Variants in TTBK2 observed in about 807,000 individuals in gnomAD.
TTBK2 encodes the protein tau tubulin kinase 2, also known as tau-tubulin kinase 2.
Under a neutral mutation model 110.8 loss-of-function variants are expected in TTBK2, and 28 were observed. The ratio of observed to expected loss-of-function variants is 0.25; its 90% CI spans 0.19 to 0.35. TTBK2 has a LOEUF of 0.35. Among genes scored for constraint, TTBK2 ranks in the 10% least tolerant of loss-of-function variants. The probability of loss-of-function intolerance (pLI) is 1.00; values close to 1 mark genes in which losing one functional copy is unlikely to be tolerated. For missense variants in TTBK2, 1,369 were observed against 1,500.3 expected (o/e 0.91, Z 1.45); for synonymous variants, 532 against 527.3 (o/e 1.01, Z -0.12).
rs369633579 is a variant in TTBK2, at chr15:42,765,936, C to A, written c.1998+9199G>T. ...AGCAGATCTCTTGGCAGAAACCCTA[C>A]AAGCCAGAAGAGAGTGGGGGCCAAT... is the stretch of plus-strand genomic sequence containing the variant. On this transcript the variant is annotated intron_variant, in intron 13 of 14. Transcript: ENST00000267890. Among the ~76,000 whole-genome samples the A allele has an allele frequency of 6.6e-5, 10 of 152,316 alleles. No individual in the cohort carries two copies. The East Asian group carries it at 1.3e-3, about 21-fold the overall frequency.
intron 7 of TTBK2, 52 bp from the exon 8 acceptor site, chr15:42,811,832 A>G (rs1468776613): frequency 6.5e-7 from 1 of 1,534,386 alleles, no homozygotes; most frequent in South Asian, 1.1e-5. Flanking sequence ...TTGTGAGTAC[A>G]TTACATTGTT....
intron 9 of TTBK2, among the ~76,000 whole-genome samples, chr15:42,803,624 G>C (rs561206105): frequency 4.6e-5 from 7 of 152,074 alleles, no homozygotes; most frequent in Admixed American, 3.9e-4. Context: ...CTCCTCACAA[G>C]GCCAATAAAA....
intron 13 of TTBK2, among the ~76,000 whole-genome samples, chr15:42,763,139 CATACATATATATAT>C (rs1567008617): frequency 8.7e-5 from 5 of 57,252 alleles, no homozygotes; most frequent in South Asian, 7.2e-4. Context: ...TACATATATA[CATACATATATATAT>C]ATACATATAT....
chr15:42,801,105 T>C, intron 9 of TTBK2: 1 of 845,286 alleles, frequency 1.2e-6, no homozygotes, highest in Non-Finnish European at 2.0e-6. Flanking sequence ...GCCCAGGCCG[T>C]AGCTGAGGCC....
At chr15:42,846,354 T>C (rs999464544) in intron 3 of TTBK2, among the ~76,000 whole-genome samples, 2 of 151,936 alleles carry the variant, frequency 1.3e-5, no homozygotes, top group East Asian at 3.9e-4. Flanking sequence ...CATGCCCGGC[T>C]AATTTTTGTA....
chr15:42,867,256 A>AAAG (rs1567068037), intron 3 of TTBK2, among the ~76,000 whole-genome samples: 5 of 151,208 alleles, frequency 3.3e-5, no homozygotes, highest in African/African-American at 1.2e-4. Flanking sequence ...AAAAAAAAAA[A>AAAG]AAAAGAAAAG....
At chr15:42,797,233 C>T (rs561169636) in intron 9 of TTBK2, among the ~76,000 whole-genome samples, 2 of 152,348 alleles carry the variant, frequency 1.3e-5, no homozygotes, top group African/African-American at 4.8e-5. Context: ...AATTCTCTGT[C>T]TGTACTGTGC....
chr15:42,825,525 A>G (rs940950782), intron 6 of TTBK2, among the ~76,000 whole-genome samples: 4 of 152,128 alleles, frequency 2.6e-5, no homozygotes, highest in Admixed American at 2.0e-4. Flanking sequence ...AGCCTGGCCA[A>G]CATGGTGAAA....
At chr15:42,828,386 C>CAA (rs763629302) in intron 5 of TTBK2, among the ~76,000 whole-genome samples, 1 of 119,406 alleles carries the variant, frequency 8.4e-6, no homozygotes, top group Non-Finnish European at 1.8e-5. Context: ...AGAGATGGAC[C>CAA]AAAAAAAAAA....
chr15:42,794,956 T>C (rs1890870082), intron 9 of TTBK2, 155 bp from the exon 10 acceptor site: 4 of 826,770 alleles, frequency 4.8e-6, no homozygotes, highest in Admixed American at 4.3e-5. Flanking sequence ...AGGAACTATA[T>C]GTAGATGATG....
chr15:42,837,186 C>T (rs534185171), intron 4 of TTBK2, among the ~76,000 whole-genome samples: 6 of 151,722 alleles, frequency 4.0e-5, no homozygotes, highest in South Asian at 2.1e-4. Context: ...ATGGTGAAAC[C>T]GTCCCTACTA....
intron 6 of TTBK2, among the ~76,000 whole-genome samples, chr15:42,826,758 A>G (rs2140976750): frequency 6.6e-6 from 1 of 152,320 alleles, no homozygotes; most frequent in East Asian, 1.9e-4. Flanking sequence ...CTGATTCATG[A>G]ATCATTCTTT....
intron 1 of TTBK2, among the ~76,000 whole-genome samples, chr15:42,894,450 T>C (rs1895586573): frequency 6.6e-6 from 1 of 152,130 alleles, no homozygotes; most frequent in African/African-American, 2.4e-5. Flanking sequence ...AGCATTAACT[T>C]GATATTAAAA....
intron 1 of TTBK2, among the ~76,000 whole-genome samples, chr15:42,886,018 T>C (rs752246807): frequency 1.8e-4 from 27 of 152,190 alleles, no homozygotes; most frequent in Non-Finnish European, 3.4e-4. Flanking sequence ...CTGAGGTGCC[T>C]GACGTCCAGG....
rs2061878330 is a variant in TTBK2 at position 42,752,400 on chromosome 15, G to T, written c.2846C>A (p.Ala949Glu). ...TTCCAAAGTTGAGTCTATCTCTTGTGCTAAAACAGGGATTCGGCTGTGTCT... is the reference window on the plus strand; with the variant it reads ...TTCCAAAGTTGAGTCTATCTCTTGTTCTAAAACAGGGATTCGGCTGTGTCT... Reference protein sequence around the residue: ...VTRHSRIPVLAQEIDSTLESS... With the variant: ...VTRHSRIPVLEQEIDSTLESS... The change falls in exon 14 of 15, where the codon GCA (alanine) becomes GAA (glutamate). Residue 949 changes from alanine (A) to glutamate (E), a missense_variant. Coordinates refer to ENST00000267890, the MANE Select transcript of TTBK2 (RefSeq NM_173500.4). 1 of 1,614,196 alleles carries T rather than the reference G, an allele frequency of 6.2e-7. No individual in the cohort carries two copies. Among genetic ancestry groups the T allele is most frequent in the East Asian group, 2.2e-5 (1 of 44,880 alleles).
rs185783638 is a variant in TTBK2, at chr15:42,856,712, T to A, written c.217+15899A>T. Among the ~76,000 whole-genome samples the A allele has an allele frequency of 5.5e-3, 839 of 151,914 alleles. 14 individuals are homozygous for A. The East Asian group carries it at 0.061, about 11-fold the overall frequency. ...GACCTTGTCTCTACTTAAAAAAAAA[T>A]TTTTTTTATGAAAAAAGAAAAAGAA... On this transcript the variant is annotated intron_variant, in intron 3 of 14. Transcript: ENST00000267890.
intron 13 of TTBK2, among the ~76,000 whole-genome samples, chr15:42,760,170 G>C (rs904411506): frequency 2.0e-5 from 3 of 152,100 alleles, no homozygotes; most frequent in Non-Finnish European, 4.4e-5. Context: ...CAGATAACTT[G>C]AGGTCAGGAG....
In TTBK2 at chr15:42,810,724, T is replaced by G; in HGVS notation, c.712A>C (p.Ile238Leu). 6.2e-7 allele frequency: 1 copy of G among 1,613,810 alleles called. No homozygotes were observed. Among genetic ancestry groups the G allele is most frequent in the Non-Finnish European group, 8.5e-7 (1 of 1,179,902 alleles). ...AGCCTGTGGTCATATCTCTCCTTAA[T>G]AGAGCCTACTTGCTCCTGGGAAGTA... ...KIKDKEQVGS[I>L]KERYDHRLML... Residue 238 changes from isoleucine (I) to leucine (L), a missense_variant, in exon 9 of 15, where the codon ATT (isoleucine) becomes CTT (leucine). By Grantham distance (5) the Ile-to-Leu change is conservative (BLOSUM62 2). Transcript: ENST00000267890.
intron 10 of TTBK2, among the ~76,000 whole-genome samples, chr15:42,784,381 G>A (rs374499464): frequency 6.6e-5 from 10 of 152,066 alleles, no homozygotes; most frequent in East Asian, 1.9e-4. Flanking sequence ...GGATTCAAGC[G>A]ATTCTCCTGC....
Sources: gnomAD v4.1 joint callset for allele counts (sites outside exome capture counted in the v4.1 genomes callset) on GRCh38, gnomAD v4.1.1 for gene constraint, MANE v1.5 for transcripts, NCBI Gene and HGNC (gene_info 2026-07-23, HGNC 2026-07-21) for gene names.